Variants in PRSS35 observed in about 807,000 individuals in gnomAD.
The protein encoded by PRSS35 is serine protease 35.
PRSS35 carries 7 observed loss-of-function variants against 8.1 expected under a neutral mutation model. That is an observed-to-expected ratio of 0.86 (90% CI 0.49 to 1.62). The LOEUF (loss-of-function observed/expected upper bound fraction) is 1.62, where lower values mean the gene tolerates loss of function less well. Among genes scored for constraint, PRSS35 ranks in the 40% most tolerant of loss-of-function variants. PRSS35 has a pLI of 0.00. For synonymous variants in PRSS35, 199 were observed against 188.7 expected (o/e 1.05, Z -0.45); for missense variants, 566 against 518.0 (o/e 1.09, Z -0.90).
intron 1 of PRSS35, among the ~76,000 whole-genome samples, chr6:83,519,019 C>G (rs1282938235): frequency 6.6e-6 from 1 of 152,166 alleles, no homozygotes; most frequent in Non-Finnish European, 1.5e-5. Flanking sequence ...CACTCATAAC[C>G]ACTATGCTGG....
chr6:83,517,491 G>A (rs1771745428), intron 1 of PRSS35, among the ~76,000 whole-genome samples: 1 of 152,106 alleles, frequency 6.6e-6, no homozygotes, highest in Non-Finnish European at 1.5e-5. Flanking sequence ...TTTTACAATT[G>A]TCATCCAAAA....
chr6:83,516,542 C>T lies in PRSS35; in HGVS notation c.-21+3848C>T, dbSNP rs868562667. On this transcript the variant is annotated intron_variant, in intron 1 of 1. Transcript: ENST00000369700. ...AGTGAGCCGAGATCACGCCATTGCA[C>T]TCTAGCCTGGGCGACTGAGAGAGAC... Among the ~76,000 whole-genome samples, 106 of 142,756 alleles carry T rather than the reference C, an allele frequency of 7.4e-4. 2 individuals carry two copies. In the Middle Eastern group the frequency reaches 0.015, roughly 21 times the overall value. 93.7% of individuals were successfully genotyped at this position (142,756 alleles called of 152,430 possible).
chr6:83,524,402 G>C lies in PRSS35; in HGVS notation c.961G>C (p.Val321Leu). 1 of 1,614,180 alleles carries C rather than the reference G, an allele frequency of 6.2e-7. No individual in the cohort carries two copies. The highest frequency in any genetic ancestry group is 8.5e-7 in the Non-Finnish European group (1 of 1,180,032). ...GFDNDRADQL[V>L]YRFCSVSDES... ...TGATAACGATAGGGCTGATCAGTTG[G>C]TCTATCGGTTTTGCAGTGTGTCCGA... The change falls in exon 2 of 2, where the codon GTC (valine) becomes CTC (leucine). Residue 321 changes from valine to leucine, a missense_variant. Transcript: ENST00000369700.
At position 83,512,681 on chromosome 6, in the gene PRSS35, A is replaced by T. The variant is rs1205931619; in HGVS notation, c.-34A>T. The T allele has an allele frequency of 1.3e-5, 2 of 152,306 alleles. No homozygotes were observed. Among genetic ancestry groups the T allele is most frequent in the Non-Finnish European group, 2.9e-5 (2 of 68,150 alleles). The allele number at this position is 152,306 out of a possible 1,614,324, so 9.4% of individuals were successfully genotyped here. On this transcript the variant is annotated 5_prime_UTR_variant, in exon 1 of 2. Transcript: ENST00000369700. ...CAGCTGACAGTGCCCTCGGGGACCAAACAAGCCTGGCAGGTAAAGATGAAG... is the reference window on the plus strand; with the variant it reads ...CAGCTGACAGTGCCCTCGGGGACCATACAAGCCTGGCAGGTAAAGATGAAG...
In PRSS35 at chr6:83,523,831, G is replaced by A; in HGVS notation, c.390G>A (p.Arg130=). The part of the protein sequence containing the change: ...RKRQVYGTDS[R]FSILDKRFLT... ...GACAGGTGTATGGCACCGACAGCAG[G>A]TTCAGCATCTTGGACAAAAGGTTCT... is the stretch of plus-strand genomic sequence containing the variant. Residue 130 remains arginine (R), a synonymous_variant, in exon 2 of 2, where the codon AGG becomes AGA. Transcript: ENST00000369700. 6.2e-7 allele frequency: 1 copy of A among 1,614,194 alleles called. No individual in the cohort carries two copies. The highest frequency in any genetic ancestry group is 8.5e-7 in the Non-Finnish European group (1 of 1,180,038).
Position 83,513,734 on chromosome 6 carries a change from A to G in PRSS35, c.-21+1040A>G, listed in dbSNP as rs545007561. Among the ~76,000 whole-genome samples, 5 of 152,324 alleles carry G rather than the reference A, an allele frequency of 3.3e-5. No individual in the cohort carries two copies. The South Asian group carries it at 1.0e-3, about 32-fold the overall frequency. ...GGATACTGTACCCCATTTTTCTTCC[A>G]GATAGCTGGGAAAACTGCATGCTTT... is the stretch of plus-strand genomic sequence containing the variant. On this transcript the variant is annotated intron_variant, in intron 1 of 1. Coordinates refer to ENST00000369700, the MANE Select transcript of PRSS35 (RefSeq NM_153362.3).
chr6:83,514,926 AT>A (rs1187498048), intron 1 of PRSS35, among the ~76,000 whole-genome samples: 1 of 152,218 alleles, frequency 6.6e-6, no homozygotes, highest in Non-Finnish European at 1.5e-5. Flanking sequence ...CATTTAGTAT[AT>A]TATTAGCCAG....
At position 83,525,410 on chromosome 6, in the gene PRSS35, A is replaced by C. The variant is rs77746135; in HGVS notation, c.*727A>C. 11 of 167,090 alleles carry C rather than the reference A, an allele frequency of 6.6e-5. No individual in the cohort carries two copies. Among genetic ancestry groups the C allele is most frequent in the African/African-American group, 2.7e-4 (11 of 41,464 alleles). 10.4% of individuals were successfully genotyped at this position (167,090 alleles called of 1,614,324 possible). A position where few individuals can be genotyped will look rare whatever the true frequency, so the allele number is the denominator to read the frequency against. ...GAAGCTGAGACATTTTAAGATCTCA[A>C]GTTTTTATTTAACTAATACTCAAAA... On this transcript the variant is annotated 3_prime_UTR_variant, in exon 2 of 2. Coordinates refer to ENST00000369700, the MANE Select transcript of PRSS35 (RefSeq NM_153362.3).
chr6:83,516,287 A>C (rs1382381857), intron 1 of PRSS35, among the ~76,000 whole-genome samples: 1 of 151,446 alleles, frequency 6.6e-6, no homozygotes, highest in East Asian at 2.0e-4. Flanking sequence ...AGAAATCTAA[A>C]GTTTTGGCTG....
chr6:83,520,418 C>A (rs1186171677), intron 1 of PRSS35, among the ~76,000 whole-genome samples: 1 of 152,066 alleles, frequency 6.6e-6, no homozygotes, highest in African/African-American at 2.4e-5. Flanking sequence ...TGGGGCAGGC[C>A]CTGAGAATTA....
intron 1 of PRSS35, among the ~76,000 whole-genome samples, chr6:83,515,857 C>T (rs993406408): frequency 3.9e-5 from 6 of 151,948 alleles, no homozygotes; most frequent in African/African-American, 1.5e-4. Flanking sequence ...GCTCTGTTGC[C>T]CAGGCTGGAG....
In PRSS35 at chr6:83,524,703, G is replaced by T. The variant is rs747218688; in HGVS notation, c.*20G>T. 1.3e-6 allele frequency: 2 copies of T among 1,577,712 alleles called. No individual in the cohort carries two copies. Among genetic ancestry groups the T allele is most frequent in the Non-Finnish European group, 1.7e-6 (2 of 1,163,724 alleles). On this transcript the variant is annotated 3_prime_UTR_variant, in exon 2 of 2. Transcript: ENST00000369700. ...GGCTAACAGAGACCTGAAACAGGGC[G>T]GTGTATCATCTAAATCACAGAGAAA... is the stretch of plus-strand genomic sequence containing the variant.
In PRSS35 at chr6:83,523,393, A is replaced by T. The variant is rs569196575; in HGVS notation, c.-20-29A>T. The stretch of plus-strand genomic sequence containing the variant: ...AAGTAAGATTTAAAAAGGAAACATT[A>T]TAAACCTCTCTCTTTTTCTATTTTT... On this transcript the variant is annotated intron_variant, in intron 1 of 1. Transcript: ENST00000369700. 2.1e-5 allele frequency: 32 copies of T among 1,510,964 alleles called. No homozygotes were observed. The South Asian group carries it at 3.5e-4, about 17-fold the overall frequency. 93.6% of individuals were successfully genotyped at this position (1,510,964 alleles called of 1,614,324 possible). A position where few individuals can be genotyped will look rare whatever the true frequency, so the allele number is the denominator to read the frequency against.
chr6:83,518,489 T>C (rs939760689), intron 1 of PRSS35, among the ~76,000 whole-genome samples: 1 of 151,342 alleles, frequency 6.6e-6, no homozygotes, highest in African/African-American at 2.5e-5. Flanking sequence ...TAATCACACT[T>C]AAGTTTAATA....
rs34790062 is a variant in PRSS35 at position 83,523,633 on chromosome 6, C to A, written c.192C>A (p.Ile64=). ...AKMMVNTVCG[I]ECQKELPTPS... ...TGATGGTAAATACAGTGTGTGGCAT[C>A]GAATGCCAGAAAGAACTCCCAACTC... The change falls in exon 2 of 2, where the codon ATC becomes ATA. Residue 64 remains isoleucine, a synonymous_variant. Transcript: ENST00000369700. The A allele has an allele frequency of 1.7e-3, 2,786 of 1,614,086 alleles. 27 individuals are homozygous for A. In the Middle Eastern group the frequency reaches 0.019, roughly 11 times the overall value.
rs372906386 is a variant in PRSS35 at position 83,523,602 on chromosome 6, C to G, written c.161C>G (p.Ala54Gly). The change falls in exon 2 of 2, where the codon GCT becomes GGT. Residue 54 changes from alanine (A) to glycine (G), a missense_variant. Coordinates refer to ENST00000369700, the MANE Select transcript of PRSS35 (RefSeq NM_153362.3). Reference sequence around the variant, plus strand: ...ACCAGCCCCGCATTTGAGGCAGATGCTAAGATGATGGTAAATACAGTGTGT... The same window carrying G: ...ACCAGCCCCGCATTTGAGGCAGATGGTAAGATGATGGTAAATACAGTGTGT... Reference protein sequence around the residue: ...HLTSPAFEADAKMMVNTVCGI... With the variant: ...HLTSPAFEADGKMMVNTVCGI... 1 of 1,614,136 alleles carries G rather than the reference C, an allele frequency of 6.2e-7. No individual in the cohort carries two copies.
rs753933208 is a variant in PRSS35, at chr6:83,524,179, G to A, written c.738G>A (p.Arg246=). 1 of 1,614,126 alleles carries A rather than the reference G, an allele frequency of 6.2e-7. No homozygotes were observed. The highest frequency in any genetic ancestry group is 8.5e-7 in the Non-Finnish European group (1 of 1,180,016). The part of the protein sequence containing the change: ...SGRGQRIAEG[R]PSFQWTRVKN... ...GGGGTCAGAGGATTGCCGAAGGGAG[G>A]CCTTCCTTTCAGTGGACCCGGGTCA... Residue 246 remains arginine, a synonymous_variant, in exon 2 of 2, where the codon AGG becomes AGA. Coordinates refer to ENST00000369700, the MANE Select transcript of PRSS35 (RefSeq NM_153362.3).
chr6:83,522,691 A>T (rs1056930272), intron 1 of PRSS35, among the ~76,000 whole-genome samples: 3 of 152,172 alleles, frequency 2.0e-5, no homozygotes, highest in Non-Finnish European at 4.4e-5. Context: ...TTAAAAATAC[A>T]TGGTACATTT....
intron 1 of PRSS35, among the ~76,000 whole-genome samples, chr6:83,514,475 A>G (rs1011724608): frequency 1.3e-5 from 2 of 152,200 alleles, no homozygotes; most frequent in Non-Finnish European, 2.9e-5. Flanking sequence ...AGTACTGCCA[A>G]ACTTTTTAAG....
Sources: allele counts gnomAD v4.1 joint callset (sites outside exome capture counted in the v4.1 genomes callset), GRCh38; gene constraint gnomAD v4.1.1; transcripts MANE v1.5; gene names NCBI Gene and HGNC (gene_info 2026-07-23, HGNC 2026-07-21).